GFPT1: variants seen among roughly 807,000 people sequenced by gnomAD.
The protein encoded by GFPT1 is glutamine--fructose-6-phosphate transaminase 1.
GFPT1 carries 40 observed loss-of-function variants against 92.0 expected under a neutral mutation model. That is an observed-to-expected ratio of 0.43 (90% CI 0.34 to 0.57). GFPT1 has a LOEUF of 0.57. Among genes scored for constraint, GFPT1 ranks in the 20% least tolerant of loss-of-function variants. The pLI, the probability that GFPT1 is intolerant of heterozygous loss-of-function variation, is 0.02. For synonymous variants in GFPT1, 269 were observed against 280.6 expected, an observed-to-expected ratio of 0.96 and a Z score of 0.41; for missense variants, 448 against 869.1, an observed-to-expected ratio of 0.52 and a Z score of 6.09.
At chr2:69,337,062 T>A (rs1670818511) in intron 15 of GFPT1, among the ~76,000 whole-genome samples, 1 of 35,728 alleles carries the variant, frequency 2.8e-5, no homozygotes, top group Non-Finnish European at 4.6e-5. Flanking sequence ...AATTTTAAAT[T>A]TTTTTTTTTT....
At chr2:69,354,962 C>G (rs898285950) in intron 7 of GFPT1, among the ~76,000 whole-genome samples, 14 of 152,250 alleles carry the variant, frequency 9.2e-5, no homozygotes, top group Admixed American at 3.9e-4. Flanking sequence ...CAAGATCGCG[C>G]CACTGCACTC....
chr2:69,359,270 A>G lies in GFPT1; in HGVS notation c.406T>C (p.Leu136=). ...TCTTTTGAGGTCACCTTACTTACCA[A>G]AAACTTTTTCAAGTCTTTGTAGTTG... ...ITNYKDLKKF[L]ESKGYDFESE... Residue 136 remains leucine, a splice_region_variant and synonymous_variant, in exon 5 of 20, where the codon TTG becomes CTG. Transcript: ENST00000357308. 6.5e-7 allele frequency: 1 copy of G among 1,547,476 alleles called. No individual in the cohort carries two copies. Among genetic ancestry groups the G allele is most frequent in the Non-Finnish European group, 8.9e-7 (1 of 1,120,084 alleles).
intron 6 of GFPT1, among the ~76,000 whole-genome samples, chr2:69,357,892 C>G (rs897571519): frequency 1.3e-5 from 2 of 152,184 alleles, no homozygotes; most frequent in East Asian, 1.9e-4. Flanking sequence ...GGCTCAGAGA[C>G]AAGCAGGCAT....
At position 69,374,148 on chromosome 2, in the gene GFPT1, A is replaced by G. The variant is rs777873982; in HGVS notation, c.8-35T>C. Reference sequence around the variant, plus strand: ...AACAAATATTTAATGAAAAATTCTGATTTAAAAAATCAAAATTAGCATAAT... The same window carrying G: ...AACAAATATTTAATGAAAAATTCTGGTTTAAAAAATCAAAATTAGCATAAT... On this transcript the variant is annotated intron_variant, in intron 1 of 19. Transcript: ENST00000357308. The G allele has an allele frequency of 5.7e-6, 6 of 1,045,068 alleles. No homozygotes were observed. In the Admixed American group the frequency reaches 1.0e-4, roughly 18 times the overall value. 64.7% of individuals were successfully genotyped at this position (1,045,068 alleles called of 1,614,324 possible).
At chr2:69,334,985 G>A (rs1228180432) in intron 15 of GFPT1, among the ~76,000 whole-genome samples, 1 of 151,938 alleles carries the variant, frequency 6.6e-6, no homozygotes, top group Non-Finnish European at 1.5e-5. Flanking sequence ...CTAGATGGTG[G>A]GTATACCAAT....
At chr2:69,364,539 A>G (rs1191457103) in intron 3 of GFPT1, among the ~76,000 whole-genome samples, 1 of 152,248 alleles carries the variant, frequency 6.6e-6, no homozygotes, top group East Asian at 1.9e-4. Context: ...CAACCTTATG[A>G]CTGCAATTTC....
At chr2:69,343,284 T>C (rs575598655) in intron 12 of GFPT1, among the ~76,000 whole-genome samples, 67 of 152,294 alleles carry the variant, frequency 4.4e-4, no homozygotes, top group Non-Finnish European at 8.2e-4. Flanking sequence ...CACTGAGAGC[T>C]TCTGGACTCA....
chr2:69,371,914 C>T (rs1671759123), intron 2 of GFPT1, among the ~76,000 whole-genome samples: 1 of 149,814 alleles, frequency 6.7e-6, no homozygotes, highest in African/African-American at 2.4e-5. Context: ...TAACAGAAGG[C>T]TGATGGGCCA....
rs550406026 is a variant in GFPT1 at position 69,362,572 on chromosome 2, C to T, written c.349+973G>A. ...CAGCACTTTAGGAGGCTGAGGTGGG[C>T]GGATCACAAGGTCAGGAGATCGAGA... On this transcript the variant is annotated intron_variant, in intron 4 of 19. Coordinates refer to ENST00000357308, the MANE Select transcript of GFPT1 (RefSeq NM_001244710.2). Among the ~76,000 whole-genome samples, 22 of 151,850 alleles carry T rather than the reference C, an allele frequency of 1.4e-4. No individual in the cohort carries two copies. In the East Asian group the frequency reaches 3.5e-3, roughly 24 times the overall value.
chr2:69,320,886 G>A lies in GFPT1; in HGVS notation c.*5303C>T, dbSNP rs1670387378. 1 of 151,018 alleles carries A rather than the reference G, an allele frequency of 6.6e-6. No homozygotes were observed. The highest frequency in any genetic ancestry group is 2.4e-5 in the African/African-American group (1 of 41,190). 9.4% of individuals were successfully genotyped at this position (151,018 alleles called of 1,614,324 possible). A position where few individuals can be genotyped will look rare whatever the true frequency, so the allele number is the denominator to read the frequency against. ...AAGAGAGAGGGAGAGGTGGAGGAGG[G>A]AGAGAGAGAGAGAGACCAAAGACTG... On this transcript the variant is annotated 3_prime_UTR_variant, in exon 20 of 20. Transcript: ENST00000357308.
chr2:69,353,592 C>T (rs989223627), intron 9 of GFPT1, among the ~76,000 whole-genome samples: 1 of 151,844 alleles, frequency 6.6e-6, no homozygotes, highest in African/African-American at 2.4e-5. Context: ...ATTTGAGAGG[C>T]TGAGGCAAGA....
rs116131739 is a variant in GFPT1, at chr2:69,354,792, A to C, written c.606-224T>G. On this transcript the variant is annotated intron_variant, in intron 7 of 19. Transcript: ENST00000357308. The stretch of plus-strand genomic sequence containing the variant: ...AGCACTTCAGGAGGCCTAGGCAGGC[A>C]GATCACTTGAGCCCACGAGTTCAAG... 3.5e-3 allele frequency among the ~76,000 whole-genome samples: 534 copies of C among 152,300 alleles called. 3 individuals are homozygous for C. Among genetic ancestry groups the C allele is most frequent in the African/African-American group, 0.012 (515 of 41,572 alleles).
intron 15 of GFPT1, among the ~76,000 whole-genome samples, chr2:69,335,482 A>G (rs981965013): frequency 1.3e-5 from 2 of 152,222 alleles, no homozygotes; most frequent in African/African-American, 4.8e-5. Context: ...GCATCCATCC[A>G]AACAATCCCA....
intron 2 of GFPT1, among the ~76,000 whole-genome samples, chr2:69,372,213 A>C (rs1671767900): frequency 6.6e-6 from 1 of 151,504 alleles, no homozygotes; most frequent in African/African-American, 2.4e-5. Flanking sequence ...AAAAAAAAAA[A>C]AAAAAGAAGA....
chr2:69,356,635 C>T (rs771510827), intron 6 of GFPT1, 78 bp from the exon 7 acceptor site: 83 of 1,050,552 alleles, frequency 7.9e-5, no homozygotes, highest in African/African-American at 1.6e-4. Context: ...CTGGCTTCAG[C>T]GCAGAAATTT....
At chr2:69,367,347 G>T (rs6546508) in intron 3 of GFPT1, among the ~76,000 whole-genome samples, 22,500 of 150,936 alleles carry the variant, frequency 0.15, 1,854 homozygotes, top group African/African-American at 0.21. Context: ...CTTATTTTTT[G>T]TTGTTGTTGT....
rs67434964 is a variant in GFPT1 at position 69,356,741 on chromosome 2, A to AT, written c.544-185dup. Among the ~76,000 whole-genome samples the AT allele has an allele frequency of 6.6e-3, 945 of 143,388 alleles. 11 individuals carry two copies. Among genetic ancestry groups the AT allele is most frequent in the African/African-American group, 0.02 (787 of 38,820 alleles). The allele number at this position is 143,388 out of a possible 152,430, so 94.1% of individuals were successfully genotyped here. A position where few individuals can be genotyped will look rare whatever the true frequency, so the allele number is the denominator to read the frequency against. On this transcript the variant is annotated intron_variant, in intron 6 of 19. Coordinates refer to ENST00000357308, the MANE Select transcript of GFPT1 (RefSeq NM_001244710.2). ...AAGCTTTGGTGTATCCAAGACCCACATTTTTTTTTTTTTTTGAGATGGAGT... is the reference window on the plus strand; with the variant it reads ...AAGCTTTGGTGTATCCAAGACCCACATTTTTTTTTTTTTTTTGAGATGGAGT...
Position 69,336,351 on chromosome 2 carries a change from A to AG in GFPT1, c.1482+1546_1482+1547insC, listed in dbSNP as rs1416139015. 2.4e-3 allele frequency among the ~76,000 whole-genome samples: 364 copies of AG among 150,822 alleles called. 2 individuals are homozygous for AG. Among genetic ancestry groups the AG allele is most frequent in the Non-Finnish European group, 3.5e-3 (239 of 67,728 alleles). On this transcript the variant is annotated intron_variant, in intron 15 of 19. Coordinates refer to ENST00000357308, the MANE Select transcript of GFPT1 (RefSeq NM_001244710.2). ...GAGAGTCTGTCTCCAAAAAAAAAAA[A>AG]AAAAAGAAAAAGAAAAAGAAAAGAA...
chr2:69,368,077 C>A (rs1360915426), intron 3 of GFPT1, among the ~76,000 whole-genome samples: 1 of 152,080 alleles, frequency 6.6e-6, no homozygotes, highest in Non-Finnish European at 1.5e-5. Context: ...GGCAAAACCC[C>A]GTCTCTACTA....
Sources: gnomAD v4.1 joint callset for allele counts (sites outside exome capture counted in the v4.1 genomes callset) on GRCh38, gnomAD v4.1.1 for gene constraint, MANE v1.5 for transcripts, NCBI Gene and HGNC (gene_info 2026-07-23, HGNC 2026-07-21) for gene names.